Variants in KIF18A observed in about 807,000 individuals in gnomAD.
KIF18A encodes kinesin-like protein KIF18A.
Under a neutral mutation model 103.3 loss-of-function variants are expected in KIF18A, and 67 were observed. That is an observed-to-expected ratio of 0.65 (90% confidence interval 0.53 to 0.79). The LOEUF (loss-of-function observed/expected upper bound fraction) is 0.79, where lower values mean the gene tolerates loss of function less well. Ranked by LOEUF, KIF18A falls within the 30% of genes least tolerant of loss-of-function variation. The pLI is 0.00. For synonymous variants in KIF18A, 367 were observed against 355.5 expected (o/e 1.03, Z -0.36); for missense variants, 1,032 against 1,062.5 (o/e 0.97, Z 0.40).
chr11:28,090,655 T>C lies in KIF18A; in HGVS notation c.661A>G (p.Met221Val), dbSNP rs1336536888. ...NKNRTQHPTD[M>V]NATSSRSHAV... ...TGAGAACGAGAAGATGTGGCATTCATATCAGTGGGATGTTGTGTCCTGTTT... is the reference window on the plus strand; with the variant it reads ...TGAGAACGAGAAGATGTGGCATTCACATCAGTGGGATGTTGTGTCCTGTTT... Residue 221 changes from methionine (M) to valine (V), a missense_variant, in exon 5 of 17, where the codon ATG becomes GTG. Met to Val is a conservative substitution (Grantham distance 21). Coordinates refer to ENST00000263181, the MANE Select transcript of KIF18A (RefSeq NM_031217.4). 1.9e-6 allele frequency: 3 copies of C among 1,609,052 alleles called. No homozygotes were observed. Among genetic ancestry groups the C allele is most frequent in the Admixed American group, 1.7e-5 (1 of 59,886 alleles).
At chr11:28,105,631 CCA>C (rs1327608702) in intron 1 of KIF18A, among the ~76,000 whole-genome samples, 1 of 152,104 alleles carries the variant, frequency 6.6e-6, no homozygotes, top group African/African-American at 2.4e-5. Flanking sequence ...GCTTCTGGTA[CCA>C]CTCTCTTATA....
At chr11:28,085,061 C>G (rs1320070885) in intron 6 of KIF18A, among the ~76,000 whole-genome samples, 1 of 152,102 alleles carries the variant, frequency 6.6e-6, no homozygotes, top group East Asian at 1.9e-4. Context: ...TTTAATATTA[C>G]TCTTTGTTGC....
chr11:28,097,867 T>A lies in KIF18A; in HGVS notation c.81A>T (p.Ala27=). The A allele has an allele frequency of 6.2e-7, 1 of 1,611,644 alleles. No individual in the cohort carries two copies. Among genetic ancestry groups the A allele is most frequent in the Non-Finnish European group, 8.5e-7 (1 of 1,179,228 alleles). Residue 27 remains alanine, a synonymous_variant, in exon 2 of 17, where the codon GCA becomes GCT. Coordinates refer to ENST00000263181, the MANE Select transcript of KIF18A (RefSeq NM_031217.4). ...CATGAACCACTTTATGAAATCCAGC[T>A]GCTTTTTCTTTAGTGTTTTCCGGAC... The part of the protein sequence containing the change: ...RVRPENTKEK[A]AGFHKVVHVV...
At chr11:28,076,816 A>G (rs1590698599) in intron 10 of KIF18A, 191 bp downstream of exon 10, 1 of 349,790 alleles carries the variant, frequency 2.9e-6, no homozygotes, top group Admixed American at 4.7e-5. Context: ...CGCTTGTAAT[A>G]CCAGCTAGCT....
At chr11:28,095,837 C>G (rs1158415495) in intron 2 of KIF18A, among the ~76,000 whole-genome samples, 1 of 151,202 alleles carries the variant, frequency 6.6e-6, no homozygotes, top group African/African-American at 2.4e-5. Context: ...CAGTGAGACC[C>G]TGTATCCACA....
At chr11:28,096,403 A>T (rs773071365) in intron 2 of KIF18A, among the ~76,000 whole-genome samples, 2 of 152,142 alleles carry the variant, frequency 1.3e-5, no homozygotes, top group African/African-American at 4.8e-5. Flanking sequence ...ACTTTGTTCT[A>T]TTTTATGTAA....
chr11:28,029,007 T>A (rs1381328747), intron 15 of KIF18A, among the ~76,000 whole-genome samples: 1 of 152,054 alleles, frequency 6.6e-6, no homozygotes, highest in East Asian at 1.9e-4. Flanking sequence ...AATAGACCAA[T>A]AATAGGCTCT....
chr11:28,077,270 C>A, intron 9 of KIF18A, 101 bp from the exon 10 acceptor site: 2 of 680,382 alleles, frequency 2.9e-6, no homozygotes, highest in Non-Finnish European at 2.4e-6. Flanking sequence ...ATATGTAATT[C>A]ACAGAACTAC....
At chr11:28,085,990 G>A (rs911703031) in intron 6 of KIF18A, among the ~76,000 whole-genome samples, 2 of 152,080 alleles carry the variant, frequency 1.3e-5, no homozygotes, top group South Asian at 2.1e-4. Context: ...CTGCATCTGA[G>A]TAAGTATGAA....
At chr11:28,057,678 T>G (rs1850799400) in intron 13 of KIF18A, among the ~76,000 whole-genome samples, 1 of 151,422 alleles carries the variant, frequency 6.6e-6, no homozygotes, top group South Asian at 2.1e-4. Flanking sequence ...AAAAAAAAAA[T>G]GATATGTCCT....
In KIF18A at chr11:28,084,653, C is replaced by A. The variant is rs762705315; in HGVS notation, c.1053G>T (p.Arg351=). 6.2e-7 allele frequency: 1 copy of A among 1,610,704 alleles called. No individual in the cohort carries two copies. The highest frequency in any genetic ancestry group is 8.5e-7 in the Non-Finnish European group (1 of 1,177,746). Residue 351 remains arginine (R), a synonymous_variant, in exon 7 of 17, where the codon CGG becomes CGT. Coordinates refer to ENST00000263181, the MANE Select transcript of KIF18A (RefSeq NM_031217.4). ...TTACAGAAGATTTAATGTCCTTTGCCCGGTTAGCATACTTAAGAGTGTTAT... is the reference window on the plus strand; with the variant it reads ...TTACAGAAGATTTAATGTCCTTTGCACGGTTAGCATACTTAAGAGTGTTAT... The part of the protein sequence containing the change: ...DTYNTLKYAN[R]AKDIKSSLKS...
At chr11:28,049,485 A>G (rs184393965) in intron 13 of KIF18A, among the ~76,000 whole-genome samples, 74 of 152,166 alleles carry the variant, frequency 4.9e-4, no homozygotes, top group Non-Finnish European at 8.5e-4. Flanking sequence ...ATAGAGCTGT[A>G]TGTTATTGTA....
chr11:28,077,031 C>T lies in KIF18A; in HGVS notation c.1401G>A (p.Met467Ile). The change falls in exon 10 of 17, where the codon ATG (methionine) becomes ATA (isoleucine). Residue 467 changes from methionine (M) to isoleucine (I), a missense_variant. Met to Ile is a conservative substitution (Grantham distance 10, BLOSUM62 1). Transcript: ENST00000263181. ...CCTTTTCTACTTTGTCTTCAGAACA[C>T]ATCATTTCTATTTGTTTATGGCACT... is the stretch of plus-strand genomic sequence containing the variant. Reference protein sequence around the residue: ...QQQCHKQIEMMCSEDKVEKAT... With the variant: ...QQQCHKQIEMICSEDKVEKAT... 3 of 1,538,038 alleles carry T rather than the reference C, an allele frequency of 2.0e-6. No homozygotes were observed. The highest frequency in any genetic ancestry group is 1.2e-5 in the South Asian group (1 of 82,640).
Position 28,091,611 on chromosome 11 carries a change from C to T in KIF18A, c.484-98G>A, listed in dbSNP as rs1851305924. On this transcript the variant is annotated intron_variant, in intron 3 of 16. Coordinates refer to ENST00000263181, the MANE Select transcript of KIF18A (RefSeq NM_031217.4). The stretch of plus-strand genomic sequence containing the variant: ...TAATTTAAAGTTATTAGAATTTTAT[C>T]CTAAAGACAAGCAGCACCTCACTTT... 1.1e-5 allele frequency: 6 copies of T among 560,854 alleles called. No homozygotes were observed. The South Asian group carries it at 1.7e-4, about 16-fold the overall frequency. 34.7% of individuals were successfully genotyped at this position (560,854 alleles called of 1,614,324 possible).
At position 28,045,880 on chromosome 11, in the gene KIF18A, G is replaced by A. The variant is rs1045304677; in HGVS notation, c.1949-9216C>T. 9.2e-5 allele frequency among the ~76,000 whole-genome samples: 14 copies of A among 151,760 alleles called. No individual in the cohort carries two copies. The East Asian group carries it at 1.4e-3, about 15-fold the overall frequency. Reference sequence around the variant, plus strand: ...AAAACAACCCCATCAAAAAGTGGGTGAAGGACATGAACAGACACTTCTCAA... The same window carrying A: ...AAAACAACCCCATCAAAAAGTGGGTAAAGGACATGAACAGACACTTCTCAA... On this transcript the variant is annotated intron_variant, in intron 13 of 16. Transcript: ENST00000263181.
At chr11:28,102,597 G>C (rs11030212) in intron 1 of KIF18A, among the ~76,000 whole-genome samples, 21,658 of 152,156 alleles carry the variant, frequency 0.14, 1,749 homozygotes, top group East Asian at 0.28. Flanking sequence ...GACTCTTTCA[G>C]TCAATAGAAT....
chr11:28,035,091 T>C (rs975483643), intron 15 of KIF18A, among the ~76,000 whole-genome samples: 1 of 151,660 alleles, frequency 6.6e-6, no homozygotes, highest in Non-Finnish European at 1.5e-5. Flanking sequence ...ACGAAATAAG[T>C]AAAAATTGTC....
intron 15 of KIF18A, among the ~76,000 whole-genome samples, chr11:28,024,373 AT>A (rs1364140880): frequency 6.6e-6 from 1 of 152,096 alleles, no homozygotes; most frequent in Non-Finnish European, 1.5e-5. Context: ...ACCTGTTTTC[AT>A]TTGCTCTAGC....
intron 5 of KIF18A, among the ~76,000 whole-genome samples, chr11:28,090,274 C>A (rs1851284364): frequency 6.6e-6 from 1 of 152,042 alleles, no homozygotes; most frequent in Admixed American, 6.6e-5. Flanking sequence ...AGTATGTTCC[C>A]AAATTATTAG....
Sources: allele counts gnomAD v4.1 joint callset (sites outside exome capture counted in the v4.1 genomes callset), GRCh38; gene constraint gnomAD v4.1.1; transcripts MANE v1.5; gene names NCBI Gene and HGNC (gene_info 2026-07-23, HGNC 2026-07-21).